The following DIS3L2 variants were observed in gnomAD, a reference collection of about 807,000 sequenced individuals.
DIS3L2 encodes DIS3-like exonuclease 2.
In DIS3L2, 34 loss-of-function variants were observed where a neutral mutation model predicts 97.5. The ratio of observed to expected loss-of-function variants is 0.35; its 90% confidence interval spans 0.27 to 0.46. The LOEUF (loss-of-function observed/expected upper bound fraction) is 0.46, where lower values mean the gene tolerates loss of function less well. DIS3L2 is among the 20% of genes least tolerant of loss of function. DIS3L2 has a pLI of 1.00. For missense variants in DIS3L2, 1,038 were observed against 1,146.0 expected, an observed-to-expected ratio of 0.91 and a Z score of 1.36; for synonymous variants, 435 against 445.2, an observed-to-expected ratio of 0.98 and a Z score of 0.29.
intron 14 of DIS3L2, among the ~76,000 whole-genome samples, chr2:232,303,158 G>A (rs757424746): frequency 6.6e-6 from 1 of 152,058 alleles, no homozygotes; most frequent in Admixed American, 6.5e-5. Flanking sequence ...TGTGCCTGCC[G>A]TTCACAGCCT....
intron 5 of DIS3L2, among the ~76,000 whole-genome samples, chr2:232,085,526 G>C (rs888629854): frequency 6.6e-6 from 1 of 152,138 alleles, no homozygotes; most frequent in Non-Finnish European, 1.5e-5. Context: ...ATATACAGGT[G>C]ATCATTTAAG....
intron 6 of DIS3L2, among the ~76,000 whole-genome samples, chr2:232,126,663 T>C (rs1420274214): frequency 5.3e-5 from 8 of 152,224 alleles, no homozygotes; most frequent in African/African-American, 1.9e-4. Context: ...GGCTGAGGGA[T>C]GTGGCCTTTT....
chr2:232,248,090 A>G (rs1489182013), intron 11 of DIS3L2, among the ~76,000 whole-genome samples: 1 of 152,252 alleles, frequency 6.6e-6, no homozygotes, highest in Admixed American at 6.5e-5. Flanking sequence ...AGAATTTACT[A>G]TTCCATACCA....
In DIS3L2 at chr2:232,014,908, G is replaced by A. The variant is rs760551384; in HGVS notation, c.-20G>A. 6.2e-7 allele frequency: 1 copy of A among 1,613,800 alleles called. No individual in the cohort carries two copies. The highest frequency in any genetic ancestry group is 2.2e-5 in the East Asian group (1 of 44,876). On this transcript the variant is annotated 5_prime_UTR_variant, in exon 2 of 21. Coordinates refer to ENST00000325385, the MANE Select transcript of DIS3L2 (RefSeq NM_152383.5). ...GAGGTTTCTCTGGATCTGGAGAGAA[G>A]AGTGACCTTGGAGCCAATAATGAGC...
chr2:232,010,042 C>T (rs1694152284), intron 1 of DIS3L2, among the ~76,000 whole-genome samples: 2 of 152,170 alleles, frequency 1.3e-5, no homozygotes, highest in Admixed American at 6.5e-5. Flanking sequence ...GAATTGGGAG[C>T]GAGTGTGGGA....
intron 5 of DIS3L2, among the ~76,000 whole-genome samples, chr2:232,055,996 G>A (rs1005357549): frequency 1.3e-5 from 2 of 152,144 alleles, no homozygotes; most frequent in Non-Finnish European, 2.9e-5. Context: ...AAATGTGAAA[G>A]GTAGAACAGT....
intron 14 of DIS3L2, among the ~76,000 whole-genome samples, chr2:232,305,867 G>A (rs1157923300): frequency 2.0e-5 from 3 of 151,940 alleles, no homozygotes; most frequent in Non-Finnish European, 4.4e-5. Context: ...AGGCAGGAGA[G>A]TCACTTGAGC....
intron 6 of DIS3L2, among the ~76,000 whole-genome samples, chr2:232,098,008 A>G (rs947566707): frequency 6.6e-6 from 1 of 152,060 alleles, no homozygotes; most frequent in African/African-American, 2.4e-5. Context: ...TCAAGGCAAC[A>G]GGTTCTCTTT....
intron 5 of DIS3L2, among the ~76,000 whole-genome samples, chr2:232,074,836 G>A (rs1052667517): frequency 2.6e-5 from 4 of 151,966 alleles, no homozygotes; most frequent in East Asian, 1.9e-4. Flanking sequence ...TGCCTGCCTC[G>A]GATTCCCAAA....
intron 14 of DIS3L2, among the ~76,000 whole-genome samples, chr2:232,320,979 C>A (rs1695414549): frequency 6.6e-6 from 1 of 152,158 alleles, no homozygotes; most frequent in Admixed American, 6.5e-5. Flanking sequence ...GTGAACTGAA[C>A]CTGTACAGCC....
At chr2:231,990,099 C>T (rs1277556006) in intron 1 of DIS3L2, among the ~76,000 whole-genome samples, 1 of 152,072 alleles carries the variant, frequency 6.6e-6, no homozygotes, top group Admixed American at 6.6e-5. Flanking sequence ...GTTTTCTTTC[C>T]ACAAGATCCT....
intron 9 of DIS3L2, among the ~76,000 whole-genome samples, chr2:232,169,039 A>C (rs1690904907): frequency 6.6e-6 from 1 of 152,166 alleles, no homozygotes; most frequent in Admixed American, 6.5e-5. Context: ...AACATGAATG[A>C]AACTATTAAG....
chr2:232,128,096 G>A (rs1698115779), intron 6 of DIS3L2, among the ~76,000 whole-genome samples: 1 of 151,962 alleles, frequency 6.6e-6, no homozygotes, highest in Non-Finnish European at 1.5e-5. Context: ...GACCACAGGT[G>A]TACACCATCA....
intron 5 of DIS3L2, among the ~76,000 whole-genome samples, chr2:232,079,599 CAAAAAAAA>C (rs760870721): frequency 4.7e-4 from 14 of 29,630 alleles, no homozygotes; most frequent in East Asian, 3.2e-3. Flanking sequence ...GACTCTATCT[CAAAAAAAA>C]AAAAAAAAAA....
At chr2:232,008,014 C>CT (rs950220307) in intron 1 of DIS3L2, among the ~76,000 whole-genome samples, 20 of 150,526 alleles carry the variant, frequency 1.3e-4, no homozygotes, top group Admixed American at 2.6e-4. Flanking sequence ...TTTTCTACTA[C>CT]TTTTTTTTTG....
chr2:232,048,903 T>C (rs1025926109), intron 5 of DIS3L2, among the ~76,000 whole-genome samples: 4 of 152,216 alleles, frequency 2.6e-5, no homozygotes, highest in Non-Finnish European at 5.9e-5. Flanking sequence ...GTCTTTGCTA[T>C]ATAGTTCTAA....
intron 3 of DIS3L2, among the ~76,000 whole-genome samples, chr2:232,019,741 T>G (rs973809541): frequency 6.6e-6 from 1 of 151,898 alleles, no homozygotes; most frequent in South Asian, 2.1e-4. Context: ...AATTAATTAA[T>G]TACTGCAACA....
intron 5 of DIS3L2, among the ~76,000 whole-genome samples, chr2:232,045,294 A>G (rs1695207409): frequency 6.6e-6 from 1 of 152,184 alleles, no homozygotes. Flanking sequence ...GAGCAGAGGT[A>G]AGTTCTTGTC....
intron 6 of DIS3L2, among the ~76,000 whole-genome samples, chr2:232,100,195 T>A (rs1163896649): frequency 5.5e-5 from 1 of 18,172 alleles, no homozygotes; most frequent in Non-Finnish European, 1.1e-4. Context: ...TGCTAATATT[T>A]TTTTTTTTTT....
Sources: allele counts gnomAD v4.1 joint callset (sites outside exome capture counted in the v4.1 genomes callset), GRCh38; gene constraint gnomAD v4.1.1; transcripts MANE v1.5; gene names NCBI Gene and HGNC (gene_info 2026-07-23, HGNC 2026-07-21).